VPS13C: variants seen among roughly 807,000 people sequenced by gnomAD.
VPS13C encodes vacuolar protein sorting 13 homolog C.
Under a neutral mutation model 456.8 loss-of-function variants are expected in VPS13C, and 358 were observed. That is an observed-to-expected ratio of 0.78 (90% CI 0.72 to 0.86). VPS13C has a LOEUF of 0.86. Ranked by LOEUF, VPS13C falls within the 40% of genes least tolerant of loss-of-function variation. VPS13C has a pLI of 0.00. For synonymous variants in VPS13C, 1,578 were observed against 1,486.7 expected (o/e 1.06, Z -1.41); for missense variants, 4,818 against 4,385.4 (o/e 1.10, Z -2.79).
intron 10 of VPS13C, among the ~76,000 whole-genome samples, chr15:62,013,652 A>C (rs752924358): frequency 1.5e-4 from 23 of 152,032 alleles, no homozygotes; most frequent in Non-Finnish European, 3.4e-4. Flanking sequence ...TTGATCAGAG[A>C]ATATTTTCTC....
Position 61,990,861 on chromosome 15 carries a change from T to C in VPS13C, c.1578+139A>G. ...AGAGAGAATTTTAATTGGTAAAACC[T>C]GACTGAAACATTCAACCATTAAGTA... On this transcript the variant is annotated intron_variant, in intron 18 of 84. Transcript: ENST00000644861. 10 of 623,816 alleles carry C rather than the reference T, an allele frequency of 1.6e-5. No homozygotes were observed. The South Asian group carries it at 1.9e-4, about 12-fold the overall frequency. 38.6% of individuals were successfully genotyped at this position (623,816 alleles called of 1,614,324 possible).
chr15:61,854,519 G>A lies in VPS13C; in HGVS notation c.11200C>T (p.Gln3734Ter). ...GACTGCTTCATCAATTTTTGCTGCTGTCTCGTTGACTGTGCATCCTCAATG... is the reference window on the plus strand; with the variant it reads ...GACTGCTTCATCAATTTTTGCTGCTATCTCGTTGACTGTGCATCCTCAATG... Reference protein sequence around the residue: ...NAIEDAQSTRQQQKLMKQSSV... With the variant: ...NAIEDAQSTR The change falls in exon 85 of 85, where the codon CAG becomes TAG. Residue 3734 changes from glutamine (Q) to a stop codon, truncating the protein, a stop_gained. Transcript: ENST00000644861. LOFTEE classifies it low-confidence loss of function (END_TRUNC). 4 of 1,614,092 alleles carry A rather than the reference G, an allele frequency of 2.5e-6. No individual in the cohort carries two copies. Among genetic ancestry groups the A allele is most frequent in the Non-Finnish European group, 3.4e-6 (4 of 1,179,982 alleles).
chr15:61,962,603 C>T, intron 33 of VPS13C, 65 bp from the exon 34 acceptor site: 2 of 1,478,724 alleles, frequency 1.4e-6, no homozygotes, highest in Non-Finnish European at 1.8e-6. Context: ...ATCTCATTTA[C>T]AAAAGGCTTT....
chr15:61,934,314 C>T lies in VPS13C; in HGVS notation c.5773G>A (p.Asp1925Asn), dbSNP rs2044153167. 1.3e-6 allele frequency: 2 copies of T among 1,556,950 alleles called. No homozygotes were observed. Among genetic ancestry groups the T allele is most frequent in the South Asian group, 1.3e-5 (1 of 78,702 alleles). The change falls in exon 49 of 85, where the codon GAC (aspartate) becomes AAC (asparagine). Residue 1925 changes from aspartate to asparagine, a missense_variant. Transcript: ENST00000644861. ...ATCTGGTTCATAGAGAGCTTTGAGT[C>T]TGTCCAATCTTCTTGTTCTAATGGT... is the stretch of plus-strand genomic sequence containing the variant. ...DHLKEQEDWT[D>N]SKLSMNQIVS...
Position 62,002,051 on chromosome 15 carries a change from G to C in VPS13C, c.1291-1425C>G, listed in dbSNP as rs543066302. ...ATATACCCAGTAATGAGATGGCTGG[G>C]TCAAATGGTATTTCTAGTTCTAGTT... is the stretch of plus-strand genomic sequence containing the variant. On this transcript the variant is annotated intron_variant, in intron 15 of 84. Transcript: ENST00000644861. 7.9e-5 allele frequency among the ~76,000 whole-genome samples: 12 copies of C among 152,300 alleles called. No individual in the cohort carries two copies. The South Asian group carries it at 8.3e-4, about 11-fold the overall frequency.
At chr15:61,861,749 A>T (rs1301580697) in intron 82 of VPS13C, among the ~76,000 whole-genome samples, 1 of 152,206 alleles carries the variant, frequency 6.6e-6, no homozygotes, top group East Asian at 1.9e-4. Flanking sequence ...TAATCATTAA[A>T]GGTCTAAATG....
intron 81 of VPS13C, chr15:61,865,267 GC>G: frequency 1.0e-6 from 1 of 982,448 alleles, no homozygotes; most frequent in Non-Finnish European, 1.2e-6. Context: ...ATATAAAAAA[GC>G]AAAATCTATA....
chr15:61,854,749 A>T, intron 84 of VPS13C, 122 bp downstream of exon 84: 1 of 1,031,362 alleles, frequency 9.7e-7, no homozygotes, highest in Non-Finnish European at 1.4e-6. Flanking sequence ...TATTAAGTTT[A>T]TATATCCATC....
At chr15:61,898,376 C>A (rs1320856214) in intron 66 of VPS13C, among the ~76,000 whole-genome samples, 6 of 151,816 alleles carry the variant, frequency 4.0e-5, no homozygotes, top group East Asian at 2.0e-4. Flanking sequence ...TGCAGAGACA[C>A]ACATAGGCTC....
At position 61,880,938 on chromosome 15, in the gene VPS13C, T is replaced by C; in HGVS notation, c.9793A>G (p.Ile3265Val). ...VLQFKYFMVLIQEMALKIDQG... is the reference protein window; with the variant it reads ...VLQFKYFMVLVQEMALKIDQG... ...TCAATTTTTAAGGCCATTTCCTGAA[T>C]GAGGACCATAAAATACCTAAGAAAA... Residue 3265 changes from isoleucine (I) to valine (V), a missense_variant, in exon 72 of 85, where the codon ATT (isoleucine) becomes GTT (valine). Coordinates refer to ENST00000644861, the MANE Select transcript of VPS13C (RefSeq NM_020821.3). 1.9e-6 allele frequency: 3 copies of C among 1,606,182 alleles called. No homozygotes were observed. Among genetic ancestry groups the C allele is most frequent in the Non-Finnish European group, 2.5e-6 (3 of 1,176,954 alleles).
chr15:61,878,949 G>A (rs1404526492), intron 73 of VPS13C, among the ~76,000 whole-genome samples: 1 of 151,998 alleles, frequency 6.6e-6, no homozygotes, highest in Non-Finnish European at 1.5e-5. Flanking sequence ...AAATTAGTCT[G>A]ATCCAAAAAC....
chr15:61,952,117 T>TGATTG (rs2044820889), intron 38 of VPS13C, 137 bp from the exon 39 acceptor site: 1 of 1,050,186 alleles, frequency 9.5e-7, no homozygotes, highest in Non-Finnish European at 1.3e-6. Flanking sequence ...TATTTGTGCC[T>TGATTG]GCAGTTTGGC....
chr15:62,056,708 C>T (rs1478281784), intron 1 of VPS13C, among the ~76,000 whole-genome samples: 2 of 151,992 alleles, frequency 1.3e-5, no homozygotes, highest in East Asian at 1.9e-4. Context: ...TCAGTGGTCA[C>T]GCTCCTAGTC....
intron 58 of VPS13C, among the ~76,000 whole-genome samples, chr15:61,918,733 TGATGTTACAGGTAG>T: frequency 6.6e-6 from 1 of 152,058 alleles, no homozygotes; most frequent in South Asian, 2.1e-4. Context: ...CATTTGTATC[TGATGTTACAGGTAG>T]GAAAAAAAAT....
At chr15:61,870,116 G>A (rs1894906287) in intron 79 of VPS13C, among the ~76,000 whole-genome samples, 1 of 152,038 alleles carries the variant, frequency 6.6e-6, no homozygotes, top group East Asian at 1.9e-4. Context: ...TTAAATTTTA[G>A]GATAAATTAG....
chr15:61,900,483 A>G (rs2140110582), intron 66 of VPS13C, among the ~76,000 whole-genome samples: 1 of 152,370 alleles, frequency 6.6e-6, no homozygotes, highest in South Asian at 2.1e-4. Context: ...ACAGAGAGCC[A>G]AATCATGAGT....
chr15:61,918,050 A>G (rs1332429737), intron 59 of VPS13C, 86 bp downstream of exon 59: 1 of 1,369,018 alleles, frequency 7.3e-7, no homozygotes. Context: ...ACTGATCTTT[A>G]GTTAATAAAA....
rs199809566 is a variant in VPS13C at position 61,858,360 on chromosome 15, A to G, written c.10953-1951T>C. On this transcript the variant is annotated intron_variant, in intron 82 of 84. Coordinates refer to ENST00000644861, the MANE Select transcript of VPS13C (RefSeq NM_020821.3). This position sits in a 1 kb window ranked among gnomAD's most constrained non-coding sequence, Gnocchi z 4.4. ...TATCTATCTATCTATCTATCTATCT[A>G]TCTGTCTATCTATCTCCCTCCCTCC... Among the ~76,000 whole-genome samples, 159 of 135,522 alleles carry G rather than the reference A, an allele frequency of 1.2e-3. No homozygotes were observed. Among genetic ancestry groups the G allele is most frequent in the East Asian group, 2.8e-3 (13 of 4,648 alleles). The allele number at this position is 135,522 out of a possible 152,430, so 88.9% of individuals were successfully genotyped here. A position where few individuals can be genotyped will look rare whatever the true frequency, so the allele number is the denominator to read the frequency against.
chr15:61,854,872 T>A lies in VPS13C; in HGVS notation c.11159A>T (p.Glu3720Val). 8.1e-6 allele frequency: 13 copies of A among 1,603,692 alleles called. No individual in the cohort carries two copies. The highest frequency in any genetic ancestry group is 1.0e-5 in the Non-Finnish European group (12 of 1,177,508). The change falls in exon 84 of 85, where the codon GAG (glutamate) becomes GTG (valine). Residue 3720 changes from glutamate to valine, a missense_variant and splice_region_variant. Glu to Val is a moderately radical substitution (Grantham distance 121). Transcript: ENST00000644861. ...AGGCATGCTCTTTAAATTGTTTACC[T>A]CTGCTGTGGCGGTGTCCTTCAGGTA... Reference protein sequence around the residue: ...KVYLKDTATAERACNAIEDAQ... With the variant: ...KVYLKDTATAVRACNAIEDAQ...
Sources: gnomAD v4.1 joint callset for allele counts (sites outside exome capture counted in the v4.1 genomes callset) on GRCh38, gnomAD v4.1.1 for gene constraint, Gnocchi (gnomAD v3.1) non-coding constraint, MANE v1.5 for transcripts, NCBI Gene and HGNC (gene_info 2026-07-23, HGNC 2026-07-21) for gene names.